Variants in FMNL2 observed in about 807,000 individuals in gnomAD.
FMNL2 encodes the protein formin like 2.
A neutral mutation model predicts 130.2 loss-of-function variants in FMNL2; 51 were observed. The observed-to-expected ratio is 0.39, with a 90% CI of 0.31 to 0.49. The LOEUF is 0.49. FMNL2 is among the 20% of genes least tolerant of loss of function. The probability of loss-of-function intolerance (pLI) is 0.85; values close to 1 mark genes in which losing one functional copy is unlikely to be tolerated. For synonymous variants in FMNL2, 465 were observed against 467.1 expected, an observed-to-expected ratio of 1.00 and a Z score of 0.06; for missense variants, 977 against 1,316.2, an observed-to-expected ratio of 0.74 and a Z score of 3.99.
intron 9 of FMNL2, among the ~76,000 whole-genome samples, chr2:152,603,037 G>C (rs781675266): frequency 1.3e-5 from 2 of 152,180 alleles, no homozygotes; most frequent in Non-Finnish European, 2.9e-5. Flanking sequence ...TGTTTCCTGT[G>C]GGATTGTAGT....
intron 1 of FMNL2, among the ~76,000 whole-genome samples, chr2:152,403,751 G>GT: frequency 6.6e-6 from 1 of 152,246 alleles, no homozygotes; most frequent in East Asian, 1.9e-4. Context: ...TCTCTAAAAT[G>GT]ATCTTTAGCT....
At chr2:152,413,016 A>G (rs1686405575) in intron 1 of FMNL2, among the ~76,000 whole-genome samples, 2 of 152,190 alleles carry the variant, frequency 1.3e-5, no homozygotes, top group Admixed American at 1.3e-4. Context: ...CCCAGCAGAT[A>G]GAAAACTATG....
intron 1 of FMNL2, among the ~76,000 whole-genome samples, chr2:152,342,969 G>A (rs1241275972): frequency 6.6e-6 from 1 of 152,178 alleles, no homozygotes; most frequent in Non-Finnish European, 1.5e-5. Context: ...TCACTGGTAG[G>A]CAATTATCAC....
intron 1 of FMNL2, among the ~76,000 whole-genome samples, chr2:152,431,062 T>C (rs1027796379): frequency 9.9e-5 from 15 of 152,194 alleles, no homozygotes; most frequent in Non-Finnish European, 1.8e-4. Flanking sequence ...TGGGGCCAAA[T>C]GCTCAGCTGA....
At chr2:152,541,429 T>TG (rs1221894623) in intron 2 of FMNL2, among the ~76,000 whole-genome samples, 2 of 152,208 alleles carry the variant, frequency 1.3e-5, no homozygotes, top group Non-Finnish European at 2.9e-5. Flanking sequence ...AAACTTTTTT[T>TG]TGTGAGAAAT....
chr2:152,448,107 C>T (rs144647146), intron 1 of FMNL2, among the ~76,000 whole-genome samples: 208 of 152,038 alleles, frequency 1.4e-3, no homozygotes, highest in African/African-American at 4.8e-3. Context: ...CTCCTATACC[C>T]ATTGAATTCG....
At chr2:152,641,183 A>G (rs1683055153) in intron 25 of FMNL2, among the ~76,000 whole-genome samples, 2 of 149,470 alleles carry the variant, frequency 1.3e-5, no homozygotes, top group Admixed American at 1.3e-4. Flanking sequence ...ATCATGCTCC[A>G]TTTTTTTTTT....
At chr2:152,643,570 A>T in intron 25 of FMNL2, 1 of 1,533,622 alleles carries the variant, frequency 6.5e-7, no homozygotes, top group Non-Finnish European at 8.7e-7. Context: ...TTGATGTCTT[A>T]TGTCCCCCTC....
chr2:152,438,117 T>C lies in FMNL2; in HGVS notation c.118-83826T>C, dbSNP rs770470445. On this transcript the variant is annotated intron_variant, in intron 1 of 25. Transcript: ENST00000288670. Reference sequence around the variant, plus strand: ...AATGCCCAAATGTTAGCATTTGACATGTGAAGAAAAGGAAAAATTGGATAA... The same window carrying C: ...AATGCCCAAATGTTAGCATTTGACACGTGAAGAAAAGGAAAAATTGGATAA... Among the ~76,000 whole-genome samples the C allele has an allele frequency of 7.4e-4, 113 of 152,320 alleles. 1 individual carries two copies. In the Middle Eastern group the frequency reaches 0.017, roughly 23 times the overall value.
At chr2:152,624,250 C>T (rs1026001268) in intron 15 of FMNL2, among the ~76,000 whole-genome samples, 3 of 150,964 alleles carry the variant, frequency 2.0e-5, no homozygotes, top group Non-Finnish European at 3.0e-5. Flanking sequence ...CTCTGCCTCC[C>T]GGGTTCAAGC....
chr2:152,425,116 T>G (rs1002239286), intron 1 of FMNL2, among the ~76,000 whole-genome samples: 1 of 152,202 alleles, frequency 6.6e-6, no homozygotes, highest in Admixed American at 6.5e-5. Context: ...AACCTAAGAA[T>G]GGTCAAGTCA....
At chr2:152,498,430 T>TA (rs979462627) in intron 1 of FMNL2, among the ~76,000 whole-genome samples, 11 of 151,996 alleles carry the variant, frequency 7.2e-5, no homozygotes, top group African/African-American at 2.4e-4. Context: ...CCATTTTTTT[T>TA]AAAAAAATGC....
chr2:152,379,517 C>G (rs1320521389), intron 1 of FMNL2, among the ~76,000 whole-genome samples: 1 of 152,096 alleles, frequency 6.6e-6, no homozygotes, highest in Non-Finnish European at 1.5e-5. Context: ...GGTTACTATT[C>G]CATTATTTCT....
chr2:152,578,397 A>C (rs908307433), intron 7 of FMNL2, among the ~76,000 whole-genome samples: 4 of 152,136 alleles, frequency 2.6e-5, no homozygotes, highest in Non-Finnish European at 5.9e-5. Context: ...GAAGCTTAAA[A>C]ACTCAGGTGC....
At chr2:152,564,091 A>G (rs893903025) in intron 6 of FMNL2, among the ~76,000 whole-genome samples, 1 of 152,046 alleles carries the variant, frequency 6.6e-6, no homozygotes, top group African/African-American at 2.4e-5. Flanking sequence ...ACACTCTGTT[A>G]TCATATTATG....
chr2:152,607,255 C>T (rs1698422339), intron 9 of FMNL2, 84 bp from the exon 10 acceptor site: 5 of 1,098,650 alleles, frequency 4.6e-6, no homozygotes, highest in Admixed American at 2.0e-5. Context: ...TTCTGGAAAT[C>T]ATTATTAAGC....
At chr2:152,600,909 A>C (rs1698013461) in intron 9 of FMNL2, among the ~76,000 whole-genome samples, 1 of 152,134 alleles carries the variant, frequency 6.6e-6, no homozygotes, top group Admixed American at 6.5e-5. Flanking sequence ...TTTGGTATTC[A>C]GGGCCAGCAC....
chr2:152,490,795 T>C (rs748842699), intron 1 of FMNL2, among the ~76,000 whole-genome samples: 12 of 150,546 alleles, frequency 8.0e-5, no homozygotes, highest in Non-Finnish European at 1.8e-4. Context: ...GACCAGTGTG[T>C]GAACAGAACA....
rs568500775 is a variant in FMNL2, at chr2:152,398,108, G to A, written c.117+62388G>A. ...CCGCTGCACTCCAGCCTGGGCAACA[G>A]AGTGAGACTCCATCTCGAAAAAAAA... On this transcript the variant is annotated intron_variant, in intron 1 of 25. Coordinates refer to ENST00000288670, the MANE Select transcript of FMNL2 (RefSeq NM_052905.4). Among the ~76,000 whole-genome samples the A allele has an allele frequency of 4.6e-5, 7 of 152,240 alleles. No individual in the cohort carries two copies. In the East Asian group the frequency reaches 1.4e-3, roughly 29 times the overall value.
Sources: allele counts gnomAD v4.1 joint callset (sites outside exome capture counted in the v4.1 genomes callset), GRCh38; gene constraint gnomAD v4.1.1; transcripts MANE v1.5; gene names NCBI Gene and HGNC (gene_info 2026-07-23, HGNC 2026-07-21).